PUDP: variants seen among roughly 807,000 people sequenced by gnomAD.
The protein encoded by PUDP is pseudouridine 5'-phosphatase.
A neutral mutation model predicts 9.4 loss-of-function variants in PUDP; 8 were observed. That is an observed-to-expected ratio of 0.85 (90% CI 0.50 to 1.53). PUDP has a LOEUF of 1.53. Among genes scored for constraint, PUDP ranks in the 40% most tolerant of loss-of-function variants. The pLI is 0.00. For missense variants in PUDP, 188 were observed against 189.7 expected (o/e 0.99, Z 0.05); for synonymous variants, 99 against 80.7 (o/e 1.23, Z -1.22).
chrX:6,903,885 A>G (rs1310023489), intron 3 of PUDP, among the ~76,000 whole-genome samples: 1 of 109,764 alleles, frequency 9.1e-6, no homozygotes, highest in Non-Finnish European at 1.9e-5. Flanking sequence ...CCCAAACCTC[A>G]GCACTATGGA....
intron 3 of PUDP, among the ~76,000 whole-genome samples, chrX:6,833,603 A>G (rs754913100): frequency 1.7e-4 from 19 of 112,009 alleles, no homozygotes; most frequent in Non-Finnish European, 3.0e-4. Context: ...GGACGGATGT[A>G]TGGATGAATG....
intron 3 of PUDP, among the ~76,000 whole-genome samples, chrX:6,908,465 G>A (rs772946080): frequency 1.8e-5 from 2 of 112,026 alleles, no homozygotes; most frequent in Admixed American, 1.9e-4. Flanking sequence ...CAGGGAAGGG[G>A]TGAGAATTAA....
At chrX:6,900,859 CT>C (rs1205780171) in intron 3 of PUDP, among the ~76,000 whole-genome samples, 1 of 109,406 alleles carries the variant, frequency 9.1e-6, no homozygotes, top group Non-Finnish European at 1.9e-5. Context: ...CTCACTGCAA[CT>C]TCTGTCTTCC....
At chrX:7,093,991 G>C (rs1398364649) in intron 2 of PUDP, among the ~76,000 whole-genome samples, 1 of 110,941 alleles carries the variant, frequency 9.0e-6, no homozygotes. Context: ...CATCTGAAGT[G>C]TCAGCTACTT....
In PUDP at chrX:7,033,646, G is replaced by C. The variant is rs888817390; in HGVS notation, c.204+43574C>G. The stretch of plus-strand genomic sequence containing the variant: ...GGAACATATAGTTCCTGGCTCCCTA[G>C]AGCTCATGGTCTAGGGGTTGGAGAG... On this transcript the variant is annotated intron_variant and NMD_transcript_variant, in intron 1 of 3. Coordinates refer to the PUDP transcript ENST00000655425. 8.1e-5 allele frequency among the ~76,000 whole-genome samples: 9 copies of C among 111,215 alleles called. No homozygotes were observed. In the Admixed American group the frequency reaches 8.6e-4, roughly 11 times the overall value.
At chrX:7,143,828 T>A (rs1401488778) in intron 1 of PUDP, among the ~76,000 whole-genome samples, 1 of 111,939 alleles carries the variant, frequency 8.9e-6, no homozygotes, top group Non-Finnish European at 1.9e-5. Flanking sequence ...GCCCCTGAGA[T>A]AAGGGTTCAT....
At chrX:6,733,144 G>A (rs1385713739) in intron 3 of PUDP, among the ~76,000 whole-genome samples, 1 of 112,302 alleles carries the variant, frequency 8.9e-6, no homozygotes, top group Non-Finnish European at 1.9e-5. Context: ...GTCTTCTACA[G>A]GGAAAAGGAA....
At chrX:6,794,305 TG>T (rs1466295559) in intron 3 of PUDP, among the ~76,000 whole-genome samples, 1 of 112,101 alleles carries the variant, frequency 8.9e-6, no homozygotes, top group Non-Finnish European at 1.9e-5. Flanking sequence ...TGCAGGCAAT[TG>T]TAACACAATA....
At chrX:7,025,184 A>G (rs1300404302) in intron 1 of PUDP, among the ~76,000 whole-genome samples, 2 of 111,372 alleles carry the variant, frequency 1.8e-5, no homozygotes, top group Non-Finnish European at 3.8e-5. Context: ...CTGCTTTTTT[A>G]AAAACTGAGA....
At chrX:6,864,984 T>G (rs924149272) in intron 3 of PUDP, among the ~76,000 whole-genome samples, 22 of 111,609 alleles carry the variant, frequency 2.0e-4, no homozygotes, top group African/African-American at 6.5e-4. Flanking sequence ...GGGATAGAGG[T>G]GTCATTATTT....
intron 1 of PUDP, among the ~76,000 whole-genome samples, chrX:7,131,353 G>A (rs1353760805): frequency 1.8e-5 from 2 of 110,627 alleles, no homozygotes; most frequent in African/African-American, 6.6e-5. Flanking sequence ...CCCGAGAATC[G>A]GACCTTATTT....
chrX:6,996,783 T>G (rs1929258777), intron 1 of PUDP, among the ~76,000 whole-genome samples: 1 of 107,345 alleles, frequency 9.3e-6, no homozygotes, highest in Admixed American at 1.0e-4. Context: ...TTCTCCTGCC[T>G]CAGCCTCCCA....
At chrX:7,053,870 G>A (rs1434807958) in intron 3 of PUDP, among the ~76,000 whole-genome samples, 1 of 111,805 alleles carries the variant, frequency 8.9e-6, no homozygotes, top group Non-Finnish European at 1.9e-5. Context: ...CTGACAGCAG[G>A]AGCAGCTGAC....
intron 3 of PUDP, among the ~76,000 whole-genome samples, chrX:6,861,086 A>T (rs1053201842): frequency 8.9e-6 from 1 of 112,058 alleles, no homozygotes; most frequent in Non-Finnish European, 1.9e-5. Context: ...CCAACATGAT[A>T]AAAGCTTTGG....
intron 3 of PUDP, among the ~76,000 whole-genome samples, chrX:6,752,051 A>C (rs1364134170): frequency 9.0e-6 from 1 of 110,648 alleles, no homozygotes; most frequent in Non-Finnish European, 1.9e-5. Flanking sequence ...GTGGTGCTTT[A>C]TTCTTCTCAA....
chrX:7,043,594 A>G (rs1275013927), intron 1 of PUDP, among the ~76,000 whole-genome samples: 1 of 111,596 alleles, frequency 9.0e-6, no homozygotes, highest in Non-Finnish European at 1.9e-5. Context: ...TGATTAAGAC[A>G]GGGTATCAGG....
In PUDP at chrX:7,148,056, G is replaced by A; in HGVS notation, c.58C>T (p.Leu20=). ...HLIFDMDGLL[L]DTERLYSVVF... is the part of the protein sequence containing the mutation. ...GCGGCGGCTGCACACTACCCACCCA[G>A]AAGAAGTCCGTCCATGTCAAAGATG... The change falls in exon 1 of 4, where the codon CTG becomes TTG. Residue 20 remains leucine, a synonymous_variant. Coordinates refer to ENST00000381077, the MANE Select transcript of PUDP (RefSeq NM_012080.5). The A allele has an allele frequency of 8.8e-7, 1 of 1,137,669 alleles. No homozygotes were observed. The highest frequency in any genetic ancestry group is 1.2e-6 in the Non-Finnish European group (1 of 856,663). The allele number at this position is 1,137,669 out of a possible 1,213,427, so 93.8% of individuals were successfully genotyped here.
chrX:7,120,885 A>T (rs1932324099), intron 1 of PUDP, among the ~76,000 whole-genome samples: 1 of 112,190 alleles, frequency 8.9e-6, no homozygotes, highest in Admixed American at 9.5e-5. Context: ...AAGCCAGATT[A>T]AAAAAAGAAC....
chrX:6,750,950 T>C (rs756288601), intron 3 of PUDP, among the ~76,000 whole-genome samples: 88 of 110,595 alleles, frequency 8.0e-4, no homozygotes, highest in Non-Finnish European at 1.3e-3. Context: ...CCATCCTGGC[T>C]AACACGGTAA....
Sources: gnomAD v4.1 joint callset for allele counts (sites outside exome capture counted in the v4.1 genomes callset) on GRCh38, gnomAD v4.1.1 for gene constraint, MANE v1.5 for transcripts, NCBI Gene and HGNC (gene_info 2026-07-23, HGNC 2026-07-21) for gene names.